The following ZNF69 variants were observed in gnomAD, a reference collection of about 807,000 sequenced individuals.
ZNF69 encodes the protein ZNF3.
In ZNF69, 47 loss-of-function variants were observed where a neutral mutation model predicts 50.9. That is an observed-to-expected ratio of 0.92 (90% confidence interval 0.73 to 1.18). The LOEUF (loss-of-function observed/expected upper bound fraction) is 1.18, where lower values mean the gene tolerates loss of function less well. ZNF69 is among the 50% of genes most tolerant of loss of function. ZNF69 has a pLI of 0.00. For missense variants in ZNF69, 717 were observed against 675.1 expected (o/e 1.06, Z -0.69); for synonymous variants, 216 against 223.1 (o/e 0.97, Z 0.29).
chr19:11,920,287 T>C, the ZNF69 span, among the ~76,000 whole-genome samples: 1 of 151,940 alleles, frequency 6.6e-6, no homozygotes, highest in East Asian at 1.9e-4. Context: ...AATTTTTGTA[T>C]TGGTAGTTAG....
the ZNF69 span, chr19:11,947,117 A>G: frequency 2.8e-5 from 44 of 1,563,540 alleles, no homozygotes; most frequent in South Asian, 3.3e-4. Context: ...TCTTGGGAAT[A>G]GAGTCTAGGC....
intron 4 of ZNF69, among the ~76,000 whole-genome samples, chr19:11,911,848 T>G (rs1226360738): frequency 6.6e-6 from 1 of 152,134 alleles, no homozygotes; most frequent in Admixed American, 6.6e-5. Flanking sequence ...ATGCACTCTG[T>G]AGAAAGACCT....
the ZNF69 span, among the ~76,000 whole-genome samples, chr19:11,954,996 A>ATTT: frequency 8.9e-4 from 91 of 101,680 alleles, no homozygotes; most frequent in Non-Finnish European, 1.1e-3. Flanking sequence ...TTTCAAAAAA[A>ATTT]TTTTTTTTTT....
intron 2 of ZNF69, 78 bp downstream of exon 2, chr19:11,903,777 G>C: frequency 6.2e-7 from 1 of 1,604,372 alleles, no homozygotes; most frequent in Non-Finnish European, 8.5e-7. Flanking sequence ...GAGTGATTTA[G>C]AACATAGACA....
chr19:11,924,293 G>C, the ZNF69 span, among the ~76,000 whole-genome samples: 1 of 151,964 alleles, frequency 6.6e-6, no homozygotes, highest in Admixed American at 6.6e-5. Flanking sequence ...TTAGCCGGGC[G>C]TGGTGGCGGG....
chr19:11,979,746 C>T, the ZNF69 span: 4 of 1,591,608 alleles, frequency 2.5e-6, no homozygotes, highest in Non-Finnish European at 3.4e-6. Flanking sequence ...TTCAGATCTG[C>T]CCCACACCTT....
the ZNF69 span, among the ~76,000 whole-genome samples, chr19:11,969,415 G>A: frequency 6.6e-6 from 1 of 152,146 alleles, no homozygotes; most frequent in Non-Finnish European, 1.5e-5. Context: ...TGACTTACTT[G>A]TTCACACAGC....
the ZNF69 span, among the ~76,000 whole-genome samples, chr19:11,926,398 T>G: frequency 6.6e-6 from 1 of 152,168 alleles, no homozygotes; most frequent in Admixed American, 6.5e-5. Flanking sequence ...GAAAGGTACT[T>G]TGTTTTTATT....
At chr19:11,890,188 T>C (rs532892156) in intron 1 of ZNF69, among the ~76,000 whole-genome samples, 1 of 152,202 alleles carries the variant, frequency 6.6e-6, no homozygotes. Context: ...ACAGACCCTT[T>C]AGGGGTGTCA....
chr19:11,939,922 C>T, the ZNF69 span: 5 of 151,952 alleles, frequency 3.3e-5, no homozygotes, highest in East Asian at 9.6e-4. Flanking sequence ...TGAGGTTTCA[C>T]GCATGTTGTA....
rs750065565 is a variant in ZNF69 at position 11,904,998 on chromosome 19, T to A, written c.601T>A (p.Phe201Ile). The change falls in exon 4 of 4, where the codon TTT becomes ATT. Residue 201 changes from phenylalanine to isoleucine, a missense_variant. By Grantham distance (21) the Phe-to-Ile change is conservative. Transcript: ENST00000429654. ...TGCTTGTAAAGAATGTGGAAAAACTTTTATTTCCCATTCAAGCATTCAAAG... is the reference window on the plus strand; with the variant it reads ...TGCTTGTAAAGAATGTGGAAAAACTATTATTTCCCATTCAAGCATTCAAAG... ...PYACKECGKT[F>I]ISHSSIQRHV... 5.0e-6 allele frequency: 8 copies of A among 1,614,004 alleles called. No individual in the cohort carries two copies. In the African/African-American group the frequency reaches 9.3e-5, roughly 19 times the overall value.
downstream of ZNF69, among the ~76,000 whole-genome samples, chr19:11,918,071 C>T (rs1972537486): frequency 6.6e-6 from 1 of 152,146 alleles, no homozygotes; most frequent in African/African-American, 2.4e-5. Context: ...CAGGCATGAG[C>T]CACCATGCCC....
chr19:11,968,704 A>G, the ZNF69 span, among the ~76,000 whole-genome samples: 1 of 152,138 alleles, frequency 6.6e-6, no homozygotes, highest in Non-Finnish European at 1.5e-5. Context: ...TTAAGAGGGA[A>G]ATTAGTGTAC....
chr19:11,974,121 CTTTCT>C, the ZNF69 span, among the ~76,000 whole-genome samples: 11,455 of 72,762 alleles, frequency 0.16, 456 homozygotes, highest in Middle Eastern at 0.22. Flanking sequence ...TTCTTTCTTT[CTTTCT>C]TTTCTTTCTT....
At chr19:11,901,066 G>A (rs528269064) in intron 1 of ZNF69, among the ~76,000 whole-genome samples, 2 of 152,130 alleles carry the variant, frequency 1.3e-5, no homozygotes, top group African/African-American at 4.8e-5. Flanking sequence ...CATTTGTTTT[G>A]TGCCACCATG....
chr19:11,956,354 T>A, the ZNF69 span, among the ~76,000 whole-genome samples: 1 of 152,204 alleles, frequency 6.6e-6, no homozygotes, highest in Non-Finnish European at 1.5e-5. Context: ...AACACATTTC[T>A]CAATATGTTT....
At chr19:11,888,148 G>A (rs889090717) in intron 1 of ZNF69, among the ~76,000 whole-genome samples, 162 bp downstream of exon 1, 1 of 152,232 alleles carries the variant, frequency 6.6e-6, no homozygotes. Flanking sequence ...TGCTCGGTGT[G>A]GCTGGGCCGG....
the ZNF69 span, among the ~76,000 whole-genome samples, chr19:11,931,015 A>C: frequency 6.8e-6 from 1 of 147,042 alleles, no homozygotes; most frequent in South Asian, 2.1e-4. Context: ...AAAAAAAAAC[A>C]ACATAGATGC....
the ZNF69 span, among the ~76,000 whole-genome samples, chr19:11,941,460 CG>C: frequency 6.6e-6 from 1 of 152,198 alleles, no homozygotes. Flanking sequence ...CAGCTAAGGC[CG>C]GGTGAGAAAT....
Sources: allele counts gnomAD v4.1 joint callset (sites outside exome capture counted in the v4.1 genomes callset), GRCh38; gene constraint gnomAD v4.1.1; transcripts MANE v1.5; gene names NCBI Gene and HGNC (gene_info 2026-07-23, HGNC 2026-07-21).